The following TRPC7 variants were observed in gnomAD, a reference collection of about 807,000 sequenced individuals.
The protein encoded by TRPC7 is short transient receptor potential channel 7.
A neutral mutation model predicts 90.1 loss-of-function variants in TRPC7; 42 were observed. The ratio of observed to expected loss-of-function variants is 0.47; its 90% CI spans 0.36 to 0.60. TRPC7 has a LOEUF of 0.60. TRPC7 is among the 20% of genes least tolerant of loss of function. The probability of loss-of-function intolerance (pLI) is 0.00; values close to 1 mark genes in which losing one functional copy is unlikely to be tolerated. For synonymous variants in TRPC7, 451 were observed against 436.3 expected (o/e 1.03, Z -0.42); for missense variants, 955 against 1,112.3 (o/e 0.86, Z 2.01).
chr5:136,365,225 A>C, intron 1 of TRPC7, 28 bp downstream of exon 1: 2 of 1,536,984 alleles, frequency 1.3e-6, no homozygotes, highest in Non-Finnish European at 1.7e-6. Flanking sequence ...AAAAAAATCA[A>C]TATGAAAGAA....
intron 2 of TRPC7, among the ~76,000 whole-genome samples, chr5:136,342,209 TG>T (rs1022055650): frequency 6.6e-6 from 1 of 152,200 alleles, no homozygotes; most frequent in African/African-American, 2.4e-5. Context: ...TGAAGCTGCC[TG>T]GGTCCTGCAT....
intron 3 of TRPC7, among the ~76,000 whole-genome samples, chr5:136,286,522 C>T (rs965505763): frequency 6.6e-6 from 1 of 152,144 alleles, no homozygotes; most frequent in African/African-American, 2.4e-5. Context: ...AATAAAAGAG[C>T]ATTGAGGTGC....
chr5:136,277,566 A>G (rs1757406610), intron 3 of TRPC7, among the ~76,000 whole-genome samples: 1 of 152,224 alleles, frequency 6.6e-6, no homozygotes, highest in Non-Finnish European at 1.5e-5. Context: ...GGATGAGAGT[A>G]GCAAATGAAG....
chr5:136,252,736 A>G (rs1413768709), intron 5 of TRPC7, among the ~76,000 whole-genome samples: 1 of 152,142 alleles, frequency 6.6e-6, no homozygotes, highest in Non-Finnish European at 1.5e-5. Context: ...ATAATTTACA[A>G]TAGGGTTTAG....
chr5:136,221,422 G>C (rs1000561647), intron 10 of TRPC7, among the ~76,000 whole-genome samples: 10 of 152,172 alleles, frequency 6.6e-5, no homozygotes, highest in African/African-American at 2.4e-4. Context: ...CCCAGACCCG[G>C]CCCAAACTAC....
At chr5:136,352,812 T>C (rs1760240799) in intron 2 of TRPC7, among the ~76,000 whole-genome samples, 1 of 152,148 alleles carries the variant, frequency 6.6e-6, no homozygotes, top group African/African-American at 2.4e-5. Context: ...AGCAAATGAT[T>C]GGGAACAGCT....
chr5:136,292,676 C>T (rs1758002673), intron 3 of TRPC7, among the ~76,000 whole-genome samples: 1 of 151,996 alleles, frequency 6.6e-6, no homozygotes, highest in Non-Finnish European at 1.5e-5. Context: ...AAAAAAAGTC[C>T]AGGACCAGAT....
At chr5:136,320,290 C>T (rs1050945079) in intron 2 of TRPC7, among the ~76,000 whole-genome samples, 1 of 152,176 alleles carries the variant, frequency 6.6e-6, no homozygotes, top group East Asian at 1.9e-4. Context: ...ACCAATTTTA[C>T]TATTTCTACC....
intron 7 of TRPC7, among the ~76,000 whole-genome samples, chr5:136,233,865 T>C (rs773360076): frequency 6.6e-6 from 1 of 152,220 alleles, no homozygotes; most frequent in Non-Finnish European, 1.5e-5. Context: ...CTCATTTGCA[T>C]CTTGCCATAA....
At position 136,315,757 on chromosome 5, in the gene TRPC7, A is replaced by G; in HGVS notation, c.803T>C (p.Met268Thr). The G allele has an allele frequency of 6.2e-7, 1 of 1,613,954 alleles. No homozygotes were observed. Among genetic ancestry groups the G allele is most frequent in the Non-Finnish European group, 8.5e-7 (1 of 1,179,866 alleles). ...GCCCACTACAAAATCCTTGCATTGCATAGATAACTTCCTGTAATCGTTCTA... is the reference window on the plus strand; with the variant it reads ...GCCCACTACAAAATCCTTGCATTGCGTAGATAACTTCCTGTAATCGTTCTA... ...EFKNDYRKLS[M>T]QCKDFVVGVL... is the part of the protein sequence containing the mutation. Residue 268 changes from methionine to threonine, a missense_variant, in exon 3 of 12, where the codon ATG becomes ACG. Met to Thr is a moderately conservative substitution (Grantham distance 81). Transcript: ENST00000513104.
chr5:136,300,166 T>C (rs1433905039), intron 3 of TRPC7, among the ~76,000 whole-genome samples: 1 of 152,220 alleles, frequency 6.6e-6, no homozygotes. Flanking sequence ...AACTCTTACT[T>C]TGAGGATCTG....
At chr5:136,231,750 G>A (rs1755823383) in intron 7 of TRPC7, among the ~76,000 whole-genome samples, 1 of 152,118 alleles carries the variant, frequency 6.6e-6, no homozygotes, top group Non-Finnish European at 1.5e-5. Flanking sequence ...GACTACAGCT[G>A]TGCACCACCG....
intron 6 of TRPC7, among the ~76,000 whole-genome samples, chr5:136,249,926 A>G (rs1312066634): frequency 1.3e-5 from 2 of 152,252 alleles, no homozygotes; most frequent in East Asian, 3.8e-4. Context: ...TTCCAAGGGC[A>G]CAGCGTGAAC....
At chr5:136,289,110 G>T (rs1757840047) in intron 3 of TRPC7, among the ~76,000 whole-genome samples, 1 of 152,168 alleles carries the variant, frequency 6.6e-6, no homozygotes. Flanking sequence ...GCCCCAAAAT[G>T]CAGGTCATTC....
At chr5:136,219,036 A>G (rs1755366674) in intron 10 of TRPC7, among the ~76,000 whole-genome samples, 1 of 152,264 alleles carries the variant, frequency 6.6e-6, no homozygotes, top group African/African-American at 2.4e-5. Context: ...AAGATGGTTT[A>G]GGAAATGAGA....
At chr5:136,296,265 T>G (rs1758167178) in intron 3 of TRPC7, among the ~76,000 whole-genome samples, 1 of 152,222 alleles carries the variant, frequency 6.6e-6, no homozygotes, top group Non-Finnish European at 1.5e-5. Context: ...ATAATACTAA[T>G]AATCTTAATA....
intron 2 of TRPC7, among the ~76,000 whole-genome samples, chr5:136,320,759 G>T (rs1172604423): frequency 6.6e-6 from 1 of 151,992 alleles, no homozygotes; most frequent in East Asian, 1.9e-4. Flanking sequence ...CTTTACACTG[G>T]CTATTCCCCT....
chr5:136,313,168 C>G (rs1042079378), intron 3 of TRPC7, among the ~76,000 whole-genome samples: 2 of 152,022 alleles, frequency 1.3e-5, no homozygotes, highest in Admixed American at 1.3e-4. Context: ...AAAACAAAAG[C>G]TGTTTGACTG....
intron 3 of TRPC7, among the ~76,000 whole-genome samples, chr5:136,296,152 G>A (rs1011516903): frequency 1.3e-5 from 2 of 152,014 alleles, no homozygotes; most frequent in Admixed American, 6.6e-5. Context: ...AGCTGGGGGT[G>A]GGGCAGGATT....
Sources: gnomAD v4.1 joint callset for allele counts (sites outside exome capture counted in the v4.1 genomes callset) on GRCh38, gnomAD v4.1.1 for gene constraint, MANE v1.5 for transcripts, NCBI Gene and HGNC (gene_info 2026-07-23, HGNC 2026-07-21) for gene names.